PIBF1: variants seen among roughly 807,000 people sequenced by gnomAD.
The protein encoded by PIBF1 is progesterone-induced-blocking factor 1.
A neutral mutation model predicts 112.5 loss-of-function variants in PIBF1; 90 were observed. That is an observed-to-expected ratio of 0.80 (90% CI 0.67 to 0.95). The LOEUF (loss-of-function observed/expected upper bound fraction) is 0.95. Among genes scored for constraint, PIBF1 ranks in the 40% least tolerant of loss-of-function variants. The pLI, the probability that PIBF1 is intolerant of heterozygous loss-of-function variation, is 0.00. For missense variants in PIBF1, 915 were observed against 852.3 expected, an observed-to-expected ratio of 1.07 and a Z score of -0.92; for synonymous variants, 301 against 288.6, an observed-to-expected ratio of 1.04 and a Z score of -0.44.
At chr13:72,907,675 T>C (rs1047430583) in intron 11 of PIBF1, among the ~76,000 whole-genome samples, 1 of 152,088 alleles carries the variant, frequency 6.6e-6, no homozygotes, top group African/African-American at 2.4e-5. Flanking sequence ...CCAAACCATA[T>C]TCTTCACTGT....
At chr13:72,827,238 ATTTTTTTTTTTTTTTTT>A (rs35211035) in intron 7 of PIBF1, 120 bp downstream of exon 7, 1 of 139,414 alleles carries the variant, frequency 7.2e-6, no homozygotes, top group Non-Finnish European at 1.3e-5. Context: ...AAAAAGATAA[ATTTTTTTTTTTTTTTTT>A]TTTTTTTTTT....
chr13:72,925,542 CTTTTTTTTT>C (rs59074858), intron 13 of PIBF1, among the ~76,000 whole-genome samples: 1 of 102,032 alleles, frequency 9.8e-6, no homozygotes, highest in Non-Finnish European at 1.9e-5. Context: ...CTTTCTCTCT[CTTTTTTTTT>C]TTTTTTTTTT....
chr13:73,002,850 G>A (rs2043914149), intron 17 of PIBF1, among the ~76,000 whole-genome samples: 1 of 151,906 alleles, frequency 6.6e-6, no homozygotes, highest in Non-Finnish European at 1.5e-5. Flanking sequence ...CAGGTGTGGT[G>A]GTGCATGCCT....
chr13:72,810,530 C>G (rs2138057832), intron 5 of PIBF1, among the ~76,000 whole-genome samples: 1 of 152,198 alleles, frequency 6.6e-6, no homozygotes, highest in South Asian at 2.1e-4. Context: ...GTAAGTAATT[C>G]AGTTAATTTT....
chr13:72,802,993 A>G (rs887635214), intron 5 of PIBF1, among the ~76,000 whole-genome samples: 9 of 152,194 alleles, frequency 5.9e-5, no homozygotes, highest in Non-Finnish European at 1.2e-4. Flanking sequence ...AATGCTGTTG[A>G]TAGGTACAGT....
At chr13:72,863,494 GAA>G (rs71099762) in intron 10 of PIBF1, among the ~76,000 whole-genome samples, 27 of 143,072 alleles carry the variant, frequency 1.9e-4, no homozygotes, top group Admixed American at 2.8e-4. Context: ...TACTAAAAAT[GAA>G]AAAAAAAAAA....
chr13:72,824,808 G>T (rs58856272), intron 6 of PIBF1, among the ~76,000 whole-genome samples: 15,688 of 152,156 alleles, frequency 0.1, 2,301 homozygotes, highest in African/African-American at 0.33. Flanking sequence ...CCTTAACCTA[G>T]TGATCAAAGT....
chr13:72,904,429 A>ATTTTTTTTTTTTT (rs1240090172), intron 11 of PIBF1, among the ~76,000 whole-genome samples: 34 of 51,062 alleles, frequency 6.7e-4, no homozygotes, highest in African/African-American at 1.5e-3. Flanking sequence ...ATATCAAAAT[A>ATTTTTTTTTTTTT]TTTCTTTTTT....
intron 10 of PIBF1, among the ~76,000 whole-genome samples, chr13:72,891,960 T>C (rs1179820520): frequency 6.6e-6 from 1 of 152,114 alleles, no homozygotes; most frequent in Non-Finnish European, 1.5e-5. Context: ...ATTCCATTAA[T>C]ACGAAATGTT....
chr13:72,900,979 G>A (rs143663290), intron 11 of PIBF1: 15 of 361,508 alleles, frequency 4.1e-5, no homozygotes, highest in African/African-American at 2.8e-4. Context: ...CCGAGATTGC[G>A]CCATTCCGCT....
chr13:72,976,678 C>T (rs1055416175), intron 16 of PIBF1, among the ~76,000 whole-genome samples: 1 of 152,084 alleles, frequency 6.6e-6, no homozygotes, highest in African/African-American at 2.4e-5. Flanking sequence ...ATCATATATA[C>T]ACATGCAAAG....
Position 72,936,803 on chromosome 13 carries a change from AT to A in PIBF1, c.1833+5545del, listed in dbSNP as rs914047821. The stretch of plus-strand genomic sequence containing the variant: ...TATGAATTCTATCATCAGTTTGTTA[AT>A]TTTTTTTTCAAAAACTAGCTGTGAT... On this transcript the variant is annotated intron_variant, in intron 14 of 17. Transcript: ENST00000326291. Among the ~76,000 whole-genome samples the A allele has an allele frequency of 1.5e-4, 22 of 150,816 alleles. No individual in the cohort carries two copies. The East Asian group carries it at 3.9e-3, about 27-fold the overall frequency.
At chr13:72,931,008 A>G (rs1189623803) in intron 13 of PIBF1, among the ~76,000 whole-genome samples, 157 bp from the exon 14 acceptor site, 1 of 152,178 alleles carries the variant, frequency 6.6e-6, no homozygotes, top group Non-Finnish European at 1.5e-5. Context: ...GTCTTCCACT[A>G]CTGGTGCCTG....
In PIBF1 at chr13:72,928,012, TATAC is replaced by T. The variant is rs1566458452; in HGVS notation, c.1731-3149_1731-3146del. 8.6e-3 allele frequency among the ~76,000 whole-genome samples: 508 copies of T among 59,036 alleles called. 11 individuals carry two copies. The highest frequency in any genetic ancestry group is 0.04 in the African/African-American group (472 of 11,694). The allele number at this position is 59,036 out of a possible 152,430, so 38.7% of individuals were successfully genotyped here. Reference sequence around the variant, plus strand: ...ATACACACACATATATATACATATATATACATATATATACATATATATATATATA... The same window carrying T: ...ATACACACACATATATATACATATATATATATATACATATATATATATATA... On this transcript the variant is annotated intron_variant, in intron 13 of 17. Transcript: ENST00000326291.
chr13:72,911,789 A>G (rs2040902695), intron 12 of PIBF1, among the ~76,000 whole-genome samples: 4 of 152,162 alleles, frequency 2.6e-5, no homozygotes, highest in Admixed American at 2.6e-4. Context: ...ATTAAACAAA[A>G]GAAAATGATA....
At chr13:72,958,149 T>G (rs1361055310) in intron 14 of PIBF1, among the ~76,000 whole-genome samples, 2 of 151,798 alleles carry the variant, frequency 1.3e-5, no homozygotes, top group East Asian at 3.9e-4. Context: ...CGTAAGATTC[T>G]TGTTTAAAAT....
intron 10 of PIBF1, among the ~76,000 whole-genome samples, chr13:72,878,937 C>A (rs185532183): frequency 6.6e-6 from 1 of 152,060 alleles, no homozygotes; most frequent in African/African-American, 2.4e-5. Context: ...CTCCCAGTTT[C>A]TTTTGAGTAG....
chr13:72,944,461 A>T (rs2042095432), intron 14 of PIBF1, among the ~76,000 whole-genome samples: 1 of 141,886 alleles, frequency 7.0e-6, no homozygotes, highest in Admixed American at 7.1e-5. Context: ...AAAAAAAAAG[A>T]AGAAAAAGAA....
At chr13:72,805,285 G>A (rs1014243219) in intron 5 of PIBF1, among the ~76,000 whole-genome samples, 1 of 152,184 alleles carries the variant, frequency 6.6e-6, no homozygotes, top group Non-Finnish European at 1.5e-5. Flanking sequence ...TGGGACTACA[G>A]GCACACGCCA....
Sources: allele counts gnomAD v4.1 joint callset (sites outside exome capture counted in the v4.1 genomes callset), GRCh38; gene constraint gnomAD v4.1.1; transcripts MANE v1.5; gene names NCBI Gene and HGNC (gene_info 2026-07-23, HGNC 2026-07-21).